Variants in MALT1 observed in about 807,000 individuals in gnomAD.
MALT1 encodes MALT1 paracaspase.
A neutral mutation model predicts 85.5 loss-of-function variants in MALT1; 36 were observed. The ratio of observed to expected loss-of-function variants is 0.42; its 90% CI spans 0.32 to 0.56. The LOEUF (loss-of-function observed/expected upper bound fraction) is 0.56. Among genes scored for constraint, MALT1 ranks in the 20% least tolerant of loss-of-function variants. The probability of loss-of-function intolerance (pLI) is 0.10; values close to 1 mark genes in which losing one functional copy is unlikely to be tolerated. For missense variants in MALT1, 716 were observed against 981.6 expected (o/e 0.73, Z 3.62); for synonymous variants, 359 against 361.3 (o/e 0.99, Z 0.07).
chr18:58,732,916 A>AT (rs1269022978), intron 10 of MALT1, among the ~76,000 whole-genome samples: 359 of 118,388 alleles, frequency 3.0e-3, no homozygotes, highest in Middle Eastern at 8.4e-3. Flanking sequence ...TTATTTATTT[A>AT]TTTATTTATT....
intron 10 of MALT1, among the ~76,000 whole-genome samples, chr18:58,732,513 C>T (rs1231651343): frequency 6.6e-6 from 1 of 152,122 alleles, no homozygotes; most frequent in Non-Finnish European, 1.5e-5. Flanking sequence ...AGTCAGATTT[C>T]CCATCTCTGA....
intron 4 of MALT1, among the ~76,000 whole-genome samples, chr18:58,708,562 G>C (rs1027731876): frequency 6.6e-6 from 1 of 152,214 alleles, no homozygotes; most frequent in Non-Finnish European, 1.5e-5. Context: ...AGACATTTGT[G>C]TGGGGTGGGA....
At chr18:58,730,927 C>G (rs1239374409) in intron 10 of MALT1, among the ~76,000 whole-genome samples, 1 of 152,142 alleles carries the variant, frequency 6.6e-6, no homozygotes, top group African/African-American at 2.4e-5. Flanking sequence ...AGCATCAGAT[C>G]CTTTGCCTAT....
Position 58,680,858 on chromosome 18 carries a change from G to A in MALT1, c.210-312G>A, listed in dbSNP as rs2054309711. On this transcript the variant is annotated intron_variant, in intron 1 of 16. Coordinates refer to ENST00000649217, the MANE Select transcript of MALT1 (RefSeq NM_006785.4). Reference sequence around the variant, plus strand: ...GAATGGCGTGAACCCGGGAAGCGGAGCTTGCAGTGAGCCGAGATTGCGCCA... The same window carrying A: ...GAATGGCGTGAACCCGGGAAGCGGAACTTGCAGTGAGCCGAGATTGCGCCA... Among the ~76,000 whole-genome samples the A allele has an allele frequency of 1.4e-5, 2 of 148,040 alleles. 1 individual carries two copies. Among genetic ancestry groups the A allele is most frequent in the South Asian group, 4.2e-4 (2 of 4,712 alleles).
chr18:58,698,043 TTG>T (rs1373771580), intron 3 of MALT1, among the ~76,000 whole-genome samples: 54 of 5,340 alleles, frequency 0.01, no homozygotes, highest in African/African-American at 0.016. Context: ...GGGTTTTTTG[TTG>T]TTGTTGTTGT....
intron 4 of MALT1, among the ~76,000 whole-genome samples, chr18:58,702,951 A>G (rs1021499901): frequency 6.6e-6 from 1 of 152,228 alleles, no homozygotes; most frequent in Non-Finnish European, 1.5e-5. Context: ...TTGCTGGACA[A>G]AAAGAAGGAT....
chr18:58,734,799 G>C (rs958474663), intron 12 of MALT1, among the ~76,000 whole-genome samples: 1 of 152,202 alleles, frequency 6.6e-6, no homozygotes. Context: ...GTGAGAGGCA[G>C]AAGAGAAAAT....
intron 10 of MALT1, among the ~76,000 whole-genome samples, chr18:58,732,821 ATATAT>A (rs1179272554): frequency 1.3e-5 from 2 of 151,550 alleles, no homozygotes; most frequent in African/African-American, 4.8e-5. Flanking sequence ...TTGGTTACAA[ATATAT>A]TTTATAAATT....
chr18:58,733,729 C>T (rs758479742), intron 11 of MALT1, 155 bp downstream of exon 11: 12 of 752,456 alleles, frequency 1.6e-5, no homozygotes, highest in Non-Finnish European at 2.3e-5. Flanking sequence ...AATACATTTA[C>T]TCCATGTATA....
Position 58,747,741 on chromosome 18 carries a change from C to G in MALT1, c.2374C>G (p.His792Asp). 6.2e-7 allele frequency: 1 copy of G among 1,614,090 alleles called. No individual in the cohort carries two copies. Among genetic ancestry groups the G allele is most frequent in the South Asian group, 1.1e-5 (1 of 91,074 alleles). The change falls in exon 17 of 17, where the codon CAC becomes GAC. Residue 792 changes from histidine to aspartate, a missense_variant. By Grantham distance (81) the His-to-Asp change is moderately conservative (BLOSUM62 -1). Transcript: ENST00000649217. ...TPDAFISSFA[H>D]HASCHFSRSN... ...AGATGCATTTATTTCAAGTTTCGCTCACCATGCTTCATGTCATTTTAGTAG... is the reference window on the plus strand; with the variant it reads ...AGATGCATTTATTTCAAGTTTCGCTGACCATGCTTCATGTCATTTTAGTAG...
intron 4 of MALT1, among the ~76,000 whole-genome samples, chr18:58,705,325 T>TG (rs1319328264): frequency 1.3e-5 from 2 of 151,448 alleles, no homozygotes; most frequent in Middle Eastern, 3.2e-3. Context: ...TGTGTGTGTA[T>TG]TTATTTTTAT....
rs529709594 is a variant in MALT1 at position 58,705,627 on chromosome 18, A to G, written c.650-3751A>G. Among the ~76,000 whole-genome samples the G allele has an allele frequency of 2.8e-3, 412 of 149,460 alleles. 5 individuals are homozygous for G. The Middle Eastern group carries it at 0.034, about 12-fold the overall frequency. On this transcript the variant is annotated intron_variant, in intron 4 of 16. Coordinates refer to ENST00000649217, the MANE Select transcript of MALT1 (RefSeq NM_006785.4). ...ACTGAGAATGATGATTTCCAATTTC[A>G]TCCATGTCCCTACAAAGGACATGAA...
At chr18:58,697,368 C>A (rs879794692) in intron 3 of MALT1, 8 of 152,118 alleles carry the variant, frequency 5.3e-5, no homozygotes, top group Non-Finnish European at 1.2e-4. Context: ...CCGTCTGTTA[C>A]ACAGAGGTAA....
At position 58,748,176 on chromosome 18, in the gene MALT1, A is replaced by C. The variant is rs937297139; in HGVS notation, c.*334A>C. ...GCATTATTGTAGAATAAGTCATTGTATTTTTAACACCAGAAAGAACCTTGC... is the reference window on the plus strand; with the variant it reads ...GCATTATTGTAGAATAAGTCATTGTCTTTTTAACACCAGAAAGAACCTTGC... On this transcript the variant is annotated 3_prime_UTR_variant, in exon 17 of 17. Coordinates refer to ENST00000649217, the MANE Select transcript of MALT1 (RefSeq NM_006785.4). 2 of 276,456 alleles carry C rather than the reference A, an allele frequency of 7.2e-6. No individual in the cohort carries two copies. The highest frequency in any genetic ancestry group is 9.9e-5 in the Admixed American group (2 of 20,102). 17.1% of individuals were successfully genotyped at this position (276,456 alleles called of 1,614,324 possible).
chr18:58,705,195 C>T (rs1292327690), intron 4 of MALT1, among the ~76,000 whole-genome samples: 2 of 151,566 alleles, frequency 1.3e-5, no homozygotes, highest in Non-Finnish European at 2.9e-5. Context: ...AATATAAGAA[C>T]CTTATATAGT....
At chr18:58,710,822 C>T in intron 6 of MALT1, 99 bp from the exon 7 acceptor site, 4 of 729,386 alleles carry the variant, frequency 5.5e-6, no homozygotes, top group East Asian at 5.9e-5. Flanking sequence ...GTTGGTTTGC[C>T]AACATTATCT....
chr18:58,719,353 C>T (rs947956185), intron 9 of MALT1, among the ~76,000 whole-genome samples: 1 of 152,096 alleles, frequency 6.6e-6, no homozygotes, highest in Non-Finnish European at 1.5e-5. Flanking sequence ...TACTCTGTCT[C>T]TCTGTCTCTC....
chr18:58,748,271 C>T lies in MALT1; in HGVS notation c.*429C>T, dbSNP rs771733759. Reference sequence around the variant, plus strand: ...AAAGGCATCTAAGTTAGAGCTGGCACCAGAACTGAGACCTCCAGAAATCTA... The same window carrying T: ...AAAGGCATCTAAGTTAGAGCTGGCATCAGAACTGAGACCTCCAGAAATCTA... On this transcript the variant is annotated 3_prime_UTR_variant, in exon 17 of 17. Transcript: ENST00000649217. 3.5e-5 allele frequency: 8 copies of T among 228,294 alleles called. No homozygotes were observed. The highest frequency in any genetic ancestry group is 1.6e-4 in the Admixed American group (3 of 18,584). 14.1% of individuals were successfully genotyped at this position (228,294 alleles called of 1,614,324 possible).
chr18:58,722,687 C>T (rs1019098240), intron 9 of MALT1, among the ~76,000 whole-genome samples: 6 of 152,088 alleles, frequency 3.9e-5, no homozygotes, highest in African/African-American at 1.4e-4. Context: ...TCAAATATTC[C>T]TTGTTTAAAT....
Sources: allele counts gnomAD v4.1 joint callset (sites outside exome capture counted in the v4.1 genomes callset), GRCh38; gene constraint gnomAD v4.1.1; transcripts MANE v1.5; gene names NCBI Gene and HGNC (gene_info 2026-07-23, HGNC 2026-07-21).